Variants in SGCD observed in about 807,000 individuals in gnomAD.
SGCD encodes the protein sarcoglycan delta, also known as delta-sarcoglycan.
SGCD carries 18 observed loss-of-function variants against 36.6 expected under a neutral mutation model. That is an observed-to-expected ratio of 0.49 (90% confidence interval 0.34 to 0.73). SGCD has a LOEUF of 0.73. Ranked by LOEUF, SGCD falls within the 30% of genes least tolerant of loss-of-function variation. The pLI is 0.01. For synonymous variants in SGCD, 133 were observed against 130.6 expected (o/e 1.02, Z -0.12); for missense variants, 387 against 346.7 (o/e 1.12, Z -0.92).
intron 7 of SGCD, among the ~76,000 whole-genome samples, chr5:156,716,345 A>C (rs1363693215): frequency 6.6e-6 from 1 of 152,202 alleles, no homozygotes; most frequent in Non-Finnish European, 1.5e-5. Flanking sequence ...CTGAGGCTAG[A>C]AATCTCACAG....
chr5:156,541,267 TA>T (rs1758338350), intron 4 of SGCD, among the ~76,000 whole-genome samples: 1 of 152,186 alleles, frequency 6.6e-6, no homozygotes, highest in Non-Finnish European at 1.5e-5. Context: ...CTAAGTCAGC[TA>T]AAAAGTCTGA....
intron 3 of SGCD, among the ~76,000 whole-genome samples, chr5:156,199,427 A>G (rs1482372067): frequency 6.6e-6 from 1 of 152,152 alleles, no homozygotes; most frequent in African/African-American, 2.4e-5. Context: ...CCCTTTACAT[A>G]GTGCCCTACA....
intron 3 of SGCD, chr5:156,393,835 G>T (rs1464914339): frequency 2.2e-6 from 1 of 456,164 alleles, no homozygotes; most frequent in African/African-American, 2.0e-5. Flanking sequence ...GGAGCCAGGT[G>T]ACTCAGATTC....
chr5:156,359,585 A>G (rs867729558), intron 3 of SGCD, among the ~76,000 whole-genome samples: 1 of 152,136 alleles, frequency 6.6e-6, no homozygotes, highest in Non-Finnish European at 1.5e-5. Flanking sequence ...CAGCTGTTGC[A>G]CATATCCTCC....
At chr5:156,700,215 C>T (rs1754475288) in intron 7 of SGCD, among the ~76,000 whole-genome samples, 1 of 152,198 alleles carries the variant, frequency 6.6e-6, no homozygotes, top group Admixed American at 6.5e-5. Context: ...TTCCTAACCT[C>T]AAGTGGGTTG....
rs1757548749 is a variant in SGCD at position 156,764,307 on chromosome 5, CTCTT to C, written c.*4923_*4926del. On this transcript the variant is annotated 3_prime_UTR_variant, in exon 9 of 9. Coordinates refer to ENST00000337851, the MANE Select transcript of SGCD (RefSeq NM_000337.6). ...CACGGCATTGGGATGTCAGATGCCT[CTCTT>C]TCTTTGTGGTAATCGGAATTTAAAA... 2.0e-5 allele frequency: 3 copies of C among 152,660 alleles called. No individual in the cohort carries two copies. The highest frequency in any genetic ancestry group is 6.5e-5 in the Admixed American group (1 of 15,284). 9.5% of individuals were successfully genotyped at this position (152,660 alleles called of 1,614,324 possible).
At chr5:156,557,065 A>T (rs530410233) in intron 4 of SGCD, among the ~76,000 whole-genome samples, 7 of 152,154 alleles carry the variant, frequency 4.6e-5, no homozygotes, top group Admixed American at 2.6e-4. Context: ...AGTGACTTTG[A>T]TTTCCCTTTT....
rs573109924 is a variant in SGCD, at chr5:156,329,582, G to A, written c.3+3G>A. On this transcript the variant is annotated splice_donor_region_variant and intron_variant, in intron 2 of 8. Transcript: ENST00000337851. Reference sequence around the variant, plus strand: ...AGTGAAGGGACCAGGTGGAGATGGTGAGTAATTCCCGGGAGCGAAGCTTGT... The same window carrying A: ...AGTGAAGGGACCAGGTGGAGATGGTAAGTAATTCCCGGGAGCGAAGCTTGT... 5.0e-6 allele frequency: 8 copies of A among 1,612,962 alleles called. No homozygotes were observed. Among genetic ancestry groups the A allele is most frequent in the Admixed American group, 1.7e-5 (1 of 59,948 alleles).
chr5:155,876,636 A>T (rs144039780), intron 1 of SGCD, among the ~76,000 whole-genome samples: 2 of 152,132 alleles, frequency 1.3e-5, no homozygotes, highest in Non-Finnish European at 2.9e-5. Flanking sequence ...TTCTTCCTTG[A>T]TATTCTCTAT....
chr5:155,865,447 G>T (rs1434652437), upstream of SGCD, among the ~76,000 whole-genome samples: 1 of 152,112 alleles, frequency 6.6e-6, no homozygotes, highest in Non-Finnish European at 1.5e-5. Context: ...GTAGTGGAAA[G>T]GGAATGGGCA....
At chr5:155,985,487 C>T (rs975223178) in intron 1 of SGCD, among the ~76,000 whole-genome samples, 94 of 152,274 alleles carry the variant, frequency 6.2e-4, no homozygotes, top group African/African-American at 2.2e-3. Flanking sequence ...TTACATGGGG[C>T]CATCAGGATA....
chr5:156,221,236 G>T (rs994854669), intron 3 of SGCD, among the ~76,000 whole-genome samples: 2 of 152,084 alleles, frequency 1.3e-5, no homozygotes, highest in Non-Finnish European at 2.9e-5. Context: ...CACCTGGTGA[G>T]GGCTTTCTTG....
At chr5:156,354,960 G>C (rs769264456) in intron 3 of SGCD, among the ~76,000 whole-genome samples, 25 of 152,212 alleles carry the variant, frequency 1.6e-4, no homozygotes, top group African/African-American at 5.8e-4. Flanking sequence ...TAGGTTCAGA[G>C]TTGTTTGTAA....
chr5:156,204,012 C>T (rs1561563768), intron 3 of SGCD, among the ~76,000 whole-genome samples: 1 of 152,084 alleles, frequency 6.6e-6, no homozygotes, highest in Non-Finnish European at 1.5e-5. Flanking sequence ...TCTCATCAAA[C>T]TTATATTCCA....
intron 1 of SGCD, among the ~76,000 whole-genome samples, chr5:155,945,336 A>G (rs1333735739): frequency 6.6e-6 from 1 of 152,198 alleles, no homozygotes; most frequent in Non-Finnish European, 1.5e-5. Context: ...TTAGTCATTC[A>G]TTCAAAAATA....
chr5:156,069,851 T>C (rs1019811853), intron 1 of SGCD, among the ~76,000 whole-genome samples: 5 of 152,126 alleles, frequency 3.3e-5, no homozygotes, highest in African/African-American at 1.2e-4. Context: ...TTCACGTCCC[T>C]TGTAAGTTGG....
Position 156,329,461 on chromosome 5 carries a change from G to A in SGCD, c.-43-73G>A. Reference sequence around the variant, plus strand: ...TTTTGTAAGAATGGCATTGCCTGAGGGTTCAGATTTCCTAGGCAAGGAGGG... The same window carrying A: ...TTTTGTAAGAATGGCATTGCCTGAGAGTTCAGATTTCCTAGGCAAGGAGGG... On this transcript the variant is annotated intron_variant, in intron 1 of 8. Transcript: ENST00000337851. 4 of 1,029,446 alleles carry A rather than the reference G, an allele frequency of 3.9e-6. No individual in the cohort carries two copies. The South Asian group carries it at 5.3e-5, about 14-fold the overall frequency. 63.8% of individuals were successfully genotyped at this position (1,029,446 alleles called of 1,614,324 possible).
intron 1 of SGCD, among the ~76,000 whole-genome samples, chr5:155,993,756 G>A (rs1758483339): frequency 6.6e-6 from 1 of 152,158 alleles, no homozygotes; most frequent in Non-Finnish European, 1.5e-5. Context: ...TGGTTGCCAT[G>A]TGGGGGCCAG....
rs1561593208 is a variant in SGCD, at chr5:156,269,492, A to AC, written c.-43-60042_-43-60041insC. ...CTCAAAAAAAAAAAAAAAAAAAAAAAAAAAAAAAAAAAAAAAAACCATCAG... is the reference window on the plus strand; with the variant it reads ...CTCAAAAAAAAAAAAAAAAAAAAAAACAAAAAAAAAAAAAAAAAACCATCAG... On this transcript the variant is annotated intron_variant, in intron 3 of 9. Coordinates refer to the SGCD transcript ENST00000517913. Among the ~76,000 whole-genome samples the AC allele has an allele frequency of 1.3e-4, 19 of 146,452 alleles. 2 individuals carry two copies. The highest frequency in any genetic ancestry group is 4.6e-4 in the African/African-American group (18 of 39,356).
Sources: allele counts gnomAD v4.1 joint callset (sites outside exome capture counted in the v4.1 genomes callset), GRCh38; gene constraint gnomAD v4.1.1; transcripts MANE v1.5; gene names NCBI Gene and HGNC (gene_info 2026-07-23, HGNC 2026-07-21).